Variants in CHMP2B observed in about 807,000 individuals in gnomAD.
The protein encoded by CHMP2B is VPS2 homolog B.
A neutral mutation model predicts 29.8 loss-of-function variants in CHMP2B; 22 were observed. The observed-to-expected ratio is 0.74, with a 90% CI of 0.53 to 1.05. The LOEUF (loss-of-function observed/expected upper bound fraction) is 1.05, where lower values mean the gene tolerates loss of function less well. Among genes scored for constraint, CHMP2B ranks in the 50% least tolerant of loss-of-function variants. The pLI, the probability that CHMP2B is intolerant of heterozygous loss-of-function variation, is 0.00. For synonymous variants in CHMP2B, 78 were observed against 75.8 expected (o/e 1.03, Z -0.15); for missense variants, 261 against 252.2 (o/e 1.03, Z -0.24).
At chr3:87,253,647 C>A in intron 5 of CHMP2B, 65 bp from the exon 6 acceptor site, 1 of 1,429,958 alleles carries the variant, frequency 7.0e-7, no homozygotes, top group Non-Finnish European at 9.9e-7. Flanking sequence ...CTTTACAGCA[C>A]ATCCTGTATG....
Position 87,254,153 on chromosome 3 carries a change from CT to C in CHMP2B, c.*333del. 4.1e-6 allele frequency: 1 copy of C among 242,322 alleles called. No homozygotes were observed. The highest frequency in any genetic ancestry group is 5.2e-5 in the South Asian group (1 of 19,132). The allele number at this position is 242,322 out of a possible 1,614,324, so 15.0% of individuals were successfully genotyped here. A position where few individuals can be genotyped will look rare whatever the true frequency, so the allele number is the denominator to read the frequency against. ...AATCTTTTTCACTGAATATAAAAAT[CT>C]TGTTAAATGCCATTAGGCACCAACT... On this transcript the variant is annotated 3_prime_UTR_variant, in exon 6 of 6. Coordinates refer to ENST00000263780, the MANE Select transcript of CHMP2B (RefSeq NM_014043.4).
chr3:87,240,896 T>C (rs1706106174), intron 2 of CHMP2B, 106 bp downstream of exon 2: 2 of 805,190 alleles, frequency 2.5e-6, no homozygotes, highest in Non-Finnish European at 4.4e-6. Flanking sequence ...TGGTAAGTGA[T>C]TTACTTAATT....
intron 3 of CHMP2B, among the ~76,000 whole-genome samples, chr3:87,246,260 C>T (rs1341343142): frequency 6.6e-6 from 1 of 151,950 alleles, no homozygotes; most frequent in Non-Finnish European, 1.5e-5. Flanking sequence ...GCCTCAGCCT[C>T]CTGAGTAGCT....
rs185200202 is a variant in CHMP2B at position 87,238,498 on chromosome 3, A to G, written c.35-2201A>G. Among the ~76,000 whole-genome samples the G allele has an allele frequency of 3.7e-3, 561 of 152,210 alleles. 4 individuals carry two copies. Among genetic ancestry groups the G allele is most frequent in the African/African-American group, 0.013 (536 of 41,522 alleles). Reference sequence around the variant, plus strand: ...TCTCCCCAACCCCTGCCATATACCAATTTGTTCTGTCTGTATGGAATTACC... The same window carrying G: ...TCTCCCCAACCCCTGCCATATACCAGTTTGTTCTGTCTGTATGGAATTACC... On this transcript the variant is annotated intron_variant, in intron 1 of 5. Coordinates refer to ENST00000263780, the MANE Select transcript of CHMP2B (RefSeq NM_014043.4).
chr3:87,236,520 G>A (rs1222657209), intron 1 of CHMP2B, among the ~76,000 whole-genome samples: 2 of 152,056 alleles, frequency 1.3e-5, no homozygotes, highest in Non-Finnish European at 1.5e-5. Flanking sequence ...GAGTATAGTG[G>A]CTTGTCTTTC....
At chr3:87,242,409 A>T (rs1706134847) in intron 2 of CHMP2B, among the ~76,000 whole-genome samples, 1 of 152,190 alleles carries the variant, frequency 6.6e-6, no homozygotes, top group Non-Finnish European at 1.5e-5. Flanking sequence ...GTATCATTGC[A>T]GATCTTCTGT....
intron 1 of CHMP2B, among the ~76,000 whole-genome samples, chr3:87,227,912 G>C (rs1002765): frequency 2.3e-4 from 35 of 151,966 alleles, no homozygotes; most frequent in African/African-American, 8.5e-4. Flanking sequence ...TTGCTCTTCA[G>C]TTGGGCGATA....
At chr3:87,233,939 G>T (rs1705952555) in intron 1 of CHMP2B, among the ~76,000 whole-genome samples, 1 of 152,118 alleles carries the variant, frequency 6.6e-6, no homozygotes, top group African/African-American at 2.4e-5. Context: ...ATACAGTATA[G>T]TGGCTACTTC....
chr3:87,227,322 C>G lies in CHMP2B; in HGVS notation c.-201C>G. On this transcript the variant is annotated 5_prime_UTR_variant, in exon 1 of 6. Transcript: ENST00000263780. ...TCCAAAAAGTGTGTTAGTTCCCGGT[C>G]ACCTGAGCTCCGGGTGACGCGGCTG... The G allele has an allele frequency of 1.6e-6, 1 of 622,212 alleles. No individual in the cohort carries two copies. The allele number at this position is 622,212 out of a possible 1,614,324, so 38.5% of individuals were successfully genotyped here.
At chr3:87,232,768 A>G (rs1469635762) in intron 1 of CHMP2B, among the ~76,000 whole-genome samples, 8 of 152,146 alleles carry the variant, frequency 5.3e-5, no homozygotes, top group Admixed American at 5.2e-4. Flanking sequence ...TCTAAGATGA[A>G]AAATGTGCTT....
At chr3:87,230,930 A>G (rs1361457459) in intron 1 of CHMP2B, among the ~76,000 whole-genome samples, 1 of 152,054 alleles carries the variant, frequency 6.6e-6, no homozygotes, top group Non-Finnish European at 1.5e-5. Context: ...TTAACTTCCA[A>G]GACATAGCAC....
Position 87,227,413 on chromosome 3 carries a change from C to G in CHMP2B, c.-110C>G. ...CGACCCCGACCTCCTCCTGCTGTCT[C>G]TCCGCTCCGCCACCCCGAACCCGCC... On this transcript the variant is annotated 5_prime_UTR_variant, in exon 1 of 6. Transcript: ENST00000263780. The G allele has an allele frequency of 7.6e-7, 1 of 1,316,890 alleles. No individual in the cohort carries two copies. The highest frequency in any genetic ancestry group is 1.1e-6 in the Non-Finnish European group (1 of 913,160). 81.6% of individuals were successfully genotyped at this position (1,316,890 alleles called of 1,614,324 possible).
intron 2 of CHMP2B, among the ~76,000 whole-genome samples, chr3:87,241,341 T>C (rs941920580): frequency 1.3e-5 from 2 of 152,192 alleles, no homozygotes; most frequent in African/African-American, 2.4e-5. Flanking sequence ...ATTTCAGGTG[T>C]ACAATTTGAT....
At chr3:87,235,621 CTA>C (rs1291357367) in intron 1 of CHMP2B, among the ~76,000 whole-genome samples, 4 of 152,036 alleles carry the variant, frequency 2.6e-5, no homozygotes, top group Admixed American at 6.6e-5. Context: ...AAAAATTAAA[CTA>C]TTTTAATTAA....
chr3:87,243,156 A>G (rs1318564426), intron 2 of CHMP2B, among the ~76,000 whole-genome samples: 1 of 152,120 alleles, frequency 6.6e-6, no homozygotes, highest in African/African-American at 2.4e-5. Flanking sequence ...AACTTTCCTC[A>G]GCAGTGTTTT....
Position 87,253,404 on chromosome 3 carries a change from T to C in CHMP2B, c.425T>C (p.Ile142Thr), listed in dbSNP as rs1706349613. 1.3e-6 allele frequency: 2 copies of C among 1,582,118 alleles called. No individual in the cohort carries two copies. Among genetic ancestry groups the C allele is most frequent in the Non-Finnish European group, 1.7e-6 (2 of 1,151,158 alleles). ...TTGCTCCTTCTCCCATATCCCCTAG[T>C]CAATGATACACTTGATGACATCTTT... is the stretch of plus-strand genomic sequence containing the variant. ...NMKMEMTEEM[I>T]NDTLDDIFDG... is the part of the protein sequence containing the mutation. Residue 142 changes from isoleucine (I) to threonine (T), a missense_variant and splice_region_variant, in exon 5 of 6, where the codon ATC becomes ACC. By Grantham distance (89) the Ile-to-Thr change is moderately conservative (BLOSUM62 -1). Coordinates refer to ENST00000263780, the MANE Select transcript of CHMP2B (RefSeq NM_014043.4).
At chr3:87,248,108 G>C (rs561758144) in intron 3 of CHMP2B, among the ~76,000 whole-genome samples, 128 of 151,996 alleles carry the variant, frequency 8.4e-4, no homozygotes, top group Non-Finnish European at 1.7e-3. Flanking sequence ...GACCAGTCTG[G>C]CCAACATGGC....
chr3:87,245,954 A>T (rs765470439), intron 3 of CHMP2B, 46 bp downstream of exon 3: 2 of 1,449,676 alleles, frequency 1.4e-6, no homozygotes, highest in South Asian at 1.2e-5. Flanking sequence ...TTTATCAACG[A>T]TATTTAAATA....
intron 1 of CHMP2B, chr3:87,240,464 C>T: frequency 2.6e-6 from 1 of 388,772 alleles, no homozygotes; most frequent in East Asian, 5.9e-5. Flanking sequence ...GCATGTGCCA[C>T]CACACCCGGC....
Sources: gnomAD v4.1 joint callset for allele counts (sites outside exome capture counted in the v4.1 genomes callset) on GRCh38, gnomAD v4.1.1 for gene constraint, MANE v1.5 for transcripts, NCBI Gene and HGNC (gene_info 2026-07-23, HGNC 2026-07-21) for gene names.